The following CD163L1 variants were observed in gnomAD, a reference collection of about 807,000 sequenced individuals.
The protein encoded by CD163L1 is scavenger receptor cysteine-rich type 1 protein M160.
A neutral mutation model predicts 165.4 loss-of-function variants in CD163L1; 124 were observed. That is an observed-to-expected ratio of 0.75 (90% CI 0.65 to 0.87). The LOEUF (loss-of-function observed/expected upper bound fraction) is 0.87. Among genes scored for constraint, CD163L1 ranks in the 40% least tolerant of loss-of-function variants. CD163L1 has a pLI of 0.00. For synonymous variants in CD163L1, 585 were observed against 662.2 expected (o/e 0.88, Z 1.79); for missense variants, 1,525 against 1,799.9 (o/e 0.85, Z 2.76).
Position 7,421,466 on chromosome 12 carries a change from T to TATATATACATGTAC in CD163L1, c.766+10949_766+10950insGTACATGTATATAT, listed in dbSNP as rs1555202350. On this transcript the variant is annotated intron_variant, in intron 4 of 19. Transcript: ENST00000313599. ...ATATACATATATGTACATATATACA[T>TATATATACATGTAC]ATATATACATATATGTACATATATA... 4.5e-4 allele frequency among the ~76,000 whole-genome samples: 42 copies of TATATATACATGTAC among 92,878 alleles called. 5 individuals carry two copies. Among genetic ancestry groups the TATATATACATGTAC allele is most frequent in the African/African-American group, 2.4e-3 (42 of 17,350 alleles). The allele number at this position is 92,878 out of a possible 152,430, so 60.9% of individuals were successfully genotyped here.
At chr12:7,323,440 A>G in the CD163L1 span, 104 of 1,612,206 alleles carry the variant, frequency 6.5e-5, 1 homozygote, top group South Asian at 1.0e-3. Flanking sequence ...AAGACCATCA[A>G]TTATTTCTTT....
At chr12:7,404,097 T>C (rs565890489) in intron 5 of CD163L1, among the ~76,000 whole-genome samples, 2 of 152,170 alleles carry the variant, frequency 1.3e-5, no homozygotes, top group Non-Finnish European at 2.9e-5. Context: ...AAAACAATCT[T>C]CTTTTAAATA....
intron 18 of CD163L1, among the ~76,000 whole-genome samples, chr12:7,362,681 T>C (rs1190518460): frequency 6.8e-6 from 1 of 146,388 alleles, no homozygotes; most frequent in Non-Finnish European, 1.5e-5. Flanking sequence ...ATGATTTATA[T>C]TAATATAATT....
intron 5 of CD163L1, among the ~76,000 whole-genome samples, chr12:7,405,158 T>C (rs75142351): frequency 0.046 from 6,959 of 152,232 alleles, 181 homozygotes; most frequent in Middle Eastern, 0.095. Flanking sequence ...TTCCAGAAGT[T>C]CCAGAGTTTG....
rs779004989 is a variant in CD163L1 at position 7,369,359 on chromosome 12, G to C, written c.4037C>G (p.Ser1346Cys). The change falls in exon 15 of 20, where the codon TCT becomes TGT. Residue 1346 changes from serine to cysteine, a missense_variant and splice_region_variant. By Grantham distance (112) the Ser-to-Cys change is moderately radical (BLOSUM62 -1). Coordinates refer to ENST00000313599, the MANE Select transcript of CD163L1 (RefSeq NM_174941.6). The surrounding 1 kb of genome is among the most constrained non-coding windows in gnomAD (Gnocchi z 4.9). ...AAGTGCAGCCTTTTCACACTTACCA[G>C]AGCACCTCACGCCAGCATCTTCCTT... ...GHKEDAGVRC[S>C]GQSLKSLNAS... 4.3e-6 allele frequency: 7 copies of C among 1,613,604 alleles called. No homozygotes were observed. In the Admixed American group the frequency reaches 1.2e-4, roughly 27 times the overall value.
At chr12:7,442,140 T>C (rs1430124532) in intron 1 of CD163L1, among the ~76,000 whole-genome samples, 1 of 152,214 alleles carries the variant, frequency 6.6e-6, no homozygotes, top group Non-Finnish European at 1.5e-5. Context: ...AAGAAATACT[T>C]TAAAATAATA....
Position 7,440,648 on chromosome 12 carries a change from A to G in CD163L1, c.124+506T>C, listed in dbSNP as rs1591977877. On this transcript the variant is annotated intron_variant, in intron 2 of 19. Transcript: ENST00000313599. ...TTTTTTCTTTTTTTTTTTTTTTGAG[A>G]TGGAGTCTTGCTCTGTCGCCCAGGC... 2.4e-5 allele frequency among the ~76,000 whole-genome samples: 3 copies of G among 127,084 alleles called. No individual in the cohort carries two copies. In the Admixed American group the frequency reaches 2.7e-4, roughly 11 times the overall value. The allele number at this position is 127,084 out of a possible 152,430, so 83.4% of individuals were successfully genotyped here.
intron 5 of CD163L1, 119 bp downstream of exon 5, chr12:7,406,413 G>C: frequency 1.1e-6 from 1 of 879,306 alleles, no homozygotes; most frequent in Non-Finnish European, 1.8e-6. Context: ...CATCACAATT[G>C]GTTGTAACTT....
chr12:7,321,103 C>T, the CD163L1 span, among the ~76,000 whole-genome samples: 1 of 152,110 alleles, frequency 6.6e-6, no homozygotes, highest in African/African-American at 2.4e-5. Context: ...GTCTAAGAAC[C>T]ACTGGAATAT....
chr12:7,365,713 T>C (rs1947002604), intron 18 of CD163L1, among the ~76,000 whole-genome samples: 1 of 151,948 alleles, frequency 6.6e-6, no homozygotes, highest in Non-Finnish European at 1.5e-5. Context: ...AAATGAGATA[T>C]CATCATACCT....
At chr12:7,320,017 C>T in the CD163L1 span, among the ~76,000 whole-genome samples, 1 of 152,198 alleles carries the variant, frequency 6.6e-6, no homozygotes. Context: ...AAACATCATA[C>T]TTTATCTGTG....
chr12:7,414,663 G>A (rs1344641416), intron 4 of CD163L1, among the ~76,000 whole-genome samples: 2 of 152,070 alleles, frequency 1.3e-5, no homozygotes, highest in Non-Finnish European at 2.9e-5. Flanking sequence ...TACATAATAA[G>A]CAAATTGTCA....
At chr12:7,370,422 C>A (rs1384370847) in intron 14 of CD163L1, among the ~76,000 whole-genome samples, 1 of 152,090 alleles carries the variant, frequency 6.6e-6, no homozygotes, top group Non-Finnish European at 1.5e-5. Flanking sequence ...ATATTCTAAG[C>A]CTCTGCCTTA....
intron 1 of CD163L1, among the ~76,000 whole-genome samples, chr12:7,443,227 G>A (rs1035039798): frequency 1.3e-5 from 2 of 152,146 alleles, no homozygotes; most frequent in Non-Finnish European, 2.9e-5. Flanking sequence ...CTGGTCTTTA[G>A]TCATAAGCAA....
At chr12:7,370,240 A>G (rs1193342533) in intron 14 of CD163L1, among the ~76,000 whole-genome samples, 1 of 152,164 alleles carries the variant, frequency 6.6e-6, no homozygotes, top group African/African-American at 2.4e-5. Context: ...GGATAAGCCC[A>G]ACTCTCTACC....
Position 7,432,654 on chromosome 12 carries a change from C to T in CD163L1, c.528G>A (p.Trp176Ter), listed in dbSNP as rs1210895797. 6.2e-7 allele frequency: 1 copy of T among 1,614,046 alleles called. No individual in the cohort carries two copies. Residue 176 changes from tryptophan (W) to a stop codon, truncating the protein, a stop_gained, in exon 4 of 20, where the codon TGG (tryptophan) becomes TGA (stop). Transcript: ENST00000313599. LOFTEE classifies it high-confidence loss of function. This position sits in a 1 kb window ranked among gnomAD's most constrained non-coding sequence, Gnocchi z 4.2. ...GRVEVKFQER[W>*]GTICDDGWNL... ...TCCACCCATCATCACATATAGTTCCCCACCTTTCTTGGAATTTCACCTCCA... is the reference window on the plus strand; with the variant it reads ...TCCACCCATCATCACATATAGTTCCTCACCTTTCTTGGAATTTCACCTCCA...
chr12:7,433,566 C>T lies in CD163L1; in HGVS notation c.253G>A (p.Val85Met), dbSNP rs370414180. 5.9e-5 allele frequency: 95 copies of T among 1,614,040 alleles called. No individual in the cohort carries two copies. Among genetic ancestry groups the T allele is most frequent in the Non-Finnish European group, 7.6e-5 (90 of 1,180,028 alleles). ...DGWNTTASTV[V>M]CKQLGCPFSF... ...AATGGACATCCAAGCTGTTTGCACA[C>T]GACAGTTGAGGCAGTAGTGTTCCAC... The change falls in exon 3 of 20, where the codon GTG (valine) becomes ATG (methionine). Residue 85 changes from valine to methionine, a missense_variant. Physicochemically the swap from Val to Met is conservative, Grantham distance 21. Coordinates refer to ENST00000313599, the MANE Select transcript of CD163L1 (RefSeq NM_174941.6).
chr12:7,404,091 C>CA (rs1193220951), intron 5 of CD163L1, among the ~76,000 whole-genome samples: 1 of 152,000 alleles, frequency 6.6e-6, no homozygotes, highest in East Asian at 1.9e-4. Context: ...TTTATGAAAA[C>CA]AATCTTCTTT....
chr12:7,421,361 A>G (rs866759428), intron 4 of CD163L1, among the ~76,000 whole-genome samples: 14 of 112,222 alleles, frequency 1.2e-4, no homozygotes, highest in East Asian at 5.4e-4. Flanking sequence ...ATATATGTGT[A>G]TATATGTATA....
Sources: allele counts gnomAD v4.1 joint callset (sites outside exome capture counted in the v4.1 genomes callset), GRCh38; gene constraint gnomAD v4.1.1; non-coding constraint Gnocchi (gnomAD v3.1); transcripts MANE v1.5; gene names NCBI Gene and HGNC (gene_info 2026-07-23, HGNC 2026-07-21).